Variants in HMGB1 observed in about 807,000 individuals in gnomAD.
HMGB1 encodes high mobility group box 1, also known as high mobility group protein B1.
For missense variants in HMGB1, 79 were observed against 253.5 expected, an observed-to-expected ratio of 0.31 and a Z score of 4.67; for synonymous variants, 81 against 84.0, an observed-to-expected ratio of 0.96 and a Z score of 0.19.
chr13:30,465,191 C>CCGGCCG, intron 1 of HMGB1: 2 of 854,304 alleles, frequency 2.3e-6, no homozygotes, highest in Non-Finnish European at 2.8e-6. Context: ...CCCCCGCCGC[C>CCGGCCG]CGGCCGCCGC....
chr13:30,482,308 A>C (rs77616480), intron 1 of HMGB1, among the ~76,000 whole-genome samples: 145 of 152,278 alleles, frequency 9.5e-4, no homozygotes, highest in African/African-American at 3.3e-3. Context: ...TAAATAAAAC[A>C]AAAACCTACA....
chr13:30,522,096 CATAATTAT>C (rs1888251155), intron 1 of HMGB1, among the ~76,000 whole-genome samples: 1 of 137,638 alleles, frequency 7.3e-6, no homozygotes, highest in Admixed American at 8.2e-5. Flanking sequence ...TGAGTTAAAA[CATAATTAT>C]GATACTTTTT....
chr13:30,495,469 CT>C (rs1337880887), intron 1 of HMGB1, among the ~76,000 whole-genome samples: 62 of 146,596 alleles, frequency 4.2e-4, no homozygotes, highest in Non-Finnish European at 6.1e-4. Context: ...TTTCCCTTTT[CT>C]TTTTCTTTTC....
intron 1 of HMGB1, among the ~76,000 whole-genome samples, chr13:30,538,787 T>TTTTCCTTCTTCC (rs1868714505): frequency 7.4e-6 from 1 of 135,698 alleles, no homozygotes; most frequent in Non-Finnish European, 1.5e-5. Flanking sequence ...CCTTCTTTCT[T>TTTTCCTTCTTCC]TTTCTTTCTT....
chr13:30,597,761 A>G (rs1871681264), intron 1 of HMGB1, among the ~76,000 whole-genome samples: 2 of 151,670 alleles, frequency 1.3e-5, no homozygotes, highest in Non-Finnish European at 2.9e-5. Context: ...TTTTTTTTTT[A>G]TAACTCCTTA....
At chr13:30,614,283 A>G (rs1264350649) in intron 1 of HMGB1, among the ~76,000 whole-genome samples, 1 of 152,244 alleles carries the variant, frequency 6.6e-6, no homozygotes, top group Non-Finnish European at 1.5e-5. Context: ...TCAGCAAGAC[A>G]GCAGTTTGAG....
At chr13:30,538,703 T>TTCC (rs781657723) in intron 1 of HMGB1, among the ~76,000 whole-genome samples, 52 of 115,320 alleles carry the variant, frequency 4.5e-4, no homozygotes, top group African/African-American at 1.0e-3. Flanking sequence ...CTTTCTTTCT[T>TTCC]TTTCTTTCTT....
At chr13:30,611,700 T>G (rs1267068575) in intron 1 of HMGB1, among the ~76,000 whole-genome samples, 1 of 152,236 alleles carries the variant, frequency 6.6e-6, no homozygotes, top group Non-Finnish European at 1.5e-5. Context: ...TCTTTAGGAA[T>G]AAGGACTATG....
intron 1 of HMGB1, among the ~76,000 whole-genome samples, chr13:30,505,265 G>A (rs986445745): frequency 4.6e-5 from 7 of 151,858 alleles, no homozygotes; most frequent in Non-Finnish European, 1.0e-4. Context: ...TGCAACCTCC[G>A]CCTCCTGGGT....
At chr13:30,591,471 C>A (rs893735825) in intron 1 of HMGB1, among the ~76,000 whole-genome samples, 2 of 151,812 alleles carry the variant, frequency 1.3e-5, no homozygotes, top group African/African-American at 4.8e-5. Context: ...AAGCACTCTA[C>A]ATTCTGCTCT....
intron 1 of HMGB1, among the ~76,000 whole-genome samples, chr13:30,510,871 TCA>T (rs1185628275): frequency 3.3e-5 from 5 of 152,210 alleles, no homozygotes; most frequent in African/African-American, 1.2e-4. Flanking sequence ...TCCAGTATCC[TCA>T]GTTTCTCTCC....
chr13:30,546,873 C>T (rs185767336), intron 1 of HMGB1, among the ~76,000 whole-genome samples: 2 of 152,312 alleles, frequency 1.3e-5, no homozygotes, highest in Admixed American at 6.5e-5. Flanking sequence ...CTGAAGGCTC[C>T]CCTTTCTTGA....
At chr13:30,485,910 G>T (rs1388378557) in intron 1 of HMGB1, among the ~76,000 whole-genome samples, 1 of 152,200 alleles carries the variant, frequency 6.6e-6, no homozygotes, top group Non-Finnish European at 1.5e-5. Context: ...TGTCTTAGAT[G>T]AAAGAAATTG....
chr13:30,461,381 T>A lies in HMGB1; in HGVS notation c.624A>T (p.Glu208Asp). 6.4e-7 allele frequency: 1 copy of A among 1,564,240 alleles called. No homozygotes were observed. The highest frequency in any genetic ancestry group is 8.6e-7 in the Non-Finnish European group (1 of 1,162,220). The change falls in exon 5 of 5, where the codon GAA becomes GAT. Residue 208 changes from glutamate (E) to aspartate (D), a missense_variant. By Grantham distance (45) the Glu-to-Asp change is conservative. Coordinates refer to ENST00000341423, the MANE Select transcript of HMGB1 (RefSeq NM_002128.7). ...CTTATTCATCATCATCATCTTCTTC[T>A]TCATCTTCATCTTCTTCATCTTCCT... ...EEEEDEEDED[E>D]EEDDDDE
chr13:30,529,149 A>G (rs1888442628), intron 1 of HMGB1, among the ~76,000 whole-genome samples: 1 of 152,072 alleles, frequency 6.6e-6, no homozygotes, highest in African/African-American at 2.4e-5. Flanking sequence ...AGCAGTAAAG[A>G]CATCCTAAAT....
chr13:30,480,086 T>A (rs1222544702), intron 1 of HMGB1, among the ~76,000 whole-genome samples: 1 of 152,214 alleles, frequency 6.6e-6, no homozygotes, highest in African/African-American at 2.4e-5. Context: ...CCTCTGCTGC[T>A]AAAACCCAAT....
chr13:30,514,258 C>A (rs899790954), intron 1 of HMGB1, among the ~76,000 whole-genome samples: 8 of 151,604 alleles, frequency 5.3e-5, no homozygotes, highest in Non-Finnish European at 1.2e-4. Context: ...GAGTTATAAA[C>A]CCCTAGTACT....
exon 1 of HMGB1, chr13:30,616,692 A>T (rs1041956763): frequency 2.2e-4 from 34 of 152,222 alleles, no homozygotes; most frequent in Non-Finnish European, 4.6e-4. Flanking sequence ...TGTCTGGAGA[A>T]ACCCCAACAA....
chr13:30,614,489 G>C (rs1950541956), intron 1 of HMGB1, among the ~76,000 whole-genome samples: 1 of 152,162 alleles, frequency 6.6e-6, no homozygotes, highest in South Asian at 2.1e-4. Flanking sequence ...TCACACAGCA[G>C]AAGAGATGGG....
Sources: allele counts gnomAD v4.1 joint callset (sites outside exome capture counted in the v4.1 genomes callset), GRCh38; gene constraint gnomAD v4.1.1; transcripts MANE v1.5; gene names NCBI Gene and HGNC (gene_info 2026-07-23, HGNC 2026-07-21).